PTPRS: variants seen among roughly 807,000 people sequenced by gnomAD.
PTPRS encodes the protein receptor-type tyrosine-protein phosphatase S.
A neutral mutation model predicts 215.3 loss-of-function variants in PTPRS; 63 were observed. That is an observed-to-expected ratio of 0.29 (90% CI 0.24 to 0.36). PTPRS has a LOEUF of 0.36. PTPRS is among the 10% of genes least tolerant of loss of function. PTPRS has a pLI of 1.00. For synonymous variants in PTPRS, 1,404 were observed against 1,191.4 expected, an observed-to-expected ratio of 1.18 and a Z score of -3.68; for missense variants, 2,258 against 2,825.8, an observed-to-expected ratio of 0.80 and a Z score of 4.56.
intron 12 of PTPRS, 122 bp downstream of exon 12, chr19:5,240,077 T>C: frequency 8.7e-7 from 1 of 1,143,438 alleles, no homozygotes; most frequent in African/African-American, 1.6e-5. Flanking sequence ...GCAGAAGGGG[T>C]GAGGAAGAGC....
chr19:5,228,340 G>A (rs1211461127), intron 16 of PTPRS, among the ~76,000 whole-genome samples: 1 of 44,772 alleles, frequency 2.2e-5, no homozygotes. Flanking sequence ...GTGAGACTCC[G>A]TCTGGAGAAA....
At chr19:5,242,542 A>ATTTT (rs756611742) in intron 11 of PTPRS, among the ~76,000 whole-genome samples, 1 of 132,928 alleles carries the variant, frequency 7.5e-6, no homozygotes, top group Non-Finnish European at 1.6e-5. Flanking sequence ...TAATTTTTGT[A>ATTTT]TTTTTTTTTT....
chr19:5,246,039 C>T lies in PTPRS; in HGVS notation c.725G>A (p.Arg242His), dbSNP rs1448131962. 9 of 1,248,124 alleles carry T rather than the reference C, an allele frequency of 7.2e-6. No individual in the cohort carries two copies. Among genetic ancestry groups the T allele is most frequent in the Admixed American group, 5.1e-5 (2 of 39,052 alleles). The allele number at this position is 1,248,124 out of a possible 1,614,324, so 77.3% of individuals were successfully genotyped here. ...CAGGATGGAGAAGCGCGGGGCCACG[C>T]GGCGGACTGGGGAGGGGGCGGCAGT... ...LYVRELREVR[R>H]VAPRFSILPM... is the part of the protein sequence containing the mutation. The change falls in exon 10 of 38, where the codon CGC becomes CAC. Residue 242 changes from arginine to histidine, a missense_variant. Coordinates refer to ENST00000262963, the MANE Select transcript of PTPRS (RefSeq NM_002850.4).
chr19:5,245,387 C>A (rs140216766), intron 10 of PTPRS, among the ~76,000 whole-genome samples: 2,616 of 152,138 alleles, frequency 0.017, 67 homozygotes, highest in African/African-American at 0.059. Flanking sequence ...CTCCTGGGCT[C>A]AAGCAGTCCT....
chr19:5,232,676 GC>G (rs1444764003), intron 13 of PTPRS, among the ~76,000 whole-genome samples: 2 of 145,282 alleles, frequency 1.4e-5, no homozygotes, highest in Non-Finnish European at 3.0e-5. Context: ...GGCAACAGAA[GC>G]CCCATTAGGC....
At chr19:5,316,232 T>C (rs2049872093) in intron 1 of PTPRS, among the ~76,000 whole-genome samples, 1 of 152,046 alleles carries the variant, frequency 6.6e-6, no homozygotes, top group South Asian at 2.1e-4. Context: ...TTAATACTCT[T>C]TTGGACACAG....
intron 13 of PTPRS, among the ~76,000 whole-genome samples, chr19:5,235,672 A>G (rs2043384458): frequency 1.3e-5 from 2 of 152,274 alleles, no homozygotes; most frequent in South Asian, 4.1e-4. Flanking sequence ...CTTGTTATAA[A>G]CTGCTAATAG....
chr19:5,333,930 C>T (rs2050409369), intron 1 of PTPRS, among the ~76,000 whole-genome samples: 2 of 152,198 alleles, frequency 1.3e-5, no homozygotes. Context: ...TTCCTGAGTG[C>T]CCATCAAATG....
rs1007080411 is a variant in PTPRS at position 5,220,074 on chromosome 19, T to G, written c.3630A>C (p.Ala1210=). Residue 1210 remains alanine (A), a synonymous_variant, in exon 22 of 38, where the codon GCA becomes GCC. Coordinates refer to ENST00000262963, the MANE Select transcript of PTPRS (RefSeq NM_002850.4). ...RQLEVPRPYI[A]ARFSVLPPTF... is the part of the protein sequence containing the mutation. ...TGGGTGGCAGCACAGAGAAGCGAGC[T>G]GCAATATAGGGCCGGGGCACCTCCA... 1.9e-6 allele frequency: 3 copies of G among 1,613,810 alleles called. No individual in the cohort carries two copies. The highest frequency in any genetic ancestry group is 1.3e-5 in the African/African-American group (1 of 74,914).
chr19:5,320,076 G>C (rs72985186), intron 1 of PTPRS, among the ~76,000 whole-genome samples: 4,011 of 152,288 alleles, frequency 0.026, 75 homozygotes, highest in East Asian at 0.077. Flanking sequence ...ATCGGAGGCA[G>C]TGGCTGCGGC....
rs1568351408 is a variant in PTPRS, at chr19:5,206,588, TGGGGCGGCC to T, written c.*177_*185del. 2 of 495,402 alleles carry T rather than the reference TGGGGCGGCC, an allele frequency of 4.0e-6. No individual in the cohort carries two copies. Among genetic ancestry groups the T allele is most frequent in the African/African-American group, 4.0e-5 (2 of 49,668 alleles). The allele number at this position is 495,402 out of a possible 1,614,324, so 30.7% of individuals were successfully genotyped here. On this transcript the variant is annotated 3_prime_UTR_variant, in exon 38 of 38. Transcript: ENST00000262963. ...CGGCGGCCGGTGCCAGGGAGGTCGC[TGGGGCGGCC>T]GGGGCCGGTGGGGGGGCTCGAGGGG...
In PTPRS at chr19:5,265,098, C is replaced by T; in HGVS notation, c.478G>A (p.Gly160Ser). 6.2e-7 allele frequency: 1 copy of T among 1,614,202 alleles called. No homozygotes were observed. Among genetic ancestry groups the T allele is most frequent in the Non-Finnish European group, 8.5e-7 (1 of 1,180,042 alleles). The change falls in exon 5 of 38, where the codon GGC becomes AGC. Residue 160 changes from glycine to serine, a missense_variant. Physicochemically the swap from Gly to Ser is moderately conservative, Grantham distance 56. This residue lies in a region of PTPRS where 508 missense variants were observed against 799.4 expected (regional missense o/e 0.64). Coordinates refer to ENST00000262963, the MANE Select transcript of PTPRS (RefSeq NM_002850.4). ...RTATMLCAAS[G>S]NPDPEITWFK... The stretch of plus-strand genomic sequence containing the variant: ...CAGGTGATCTCAGGGTCAGGGTTGC[C>T]GCTGGCTGCACAGAGCATGGTGGCT...
intron 1 of PTPRS, among the ~76,000 whole-genome samples, chr19:5,313,765 T>C (rs1295909951): frequency 6.6e-6 from 1 of 152,024 alleles, no homozygotes; most frequent in Admixed American, 6.6e-5. Context: ...CACCGTTCAA[T>C]CCATGCTTAA....
At chr19:5,303,025 G>A (rs1393411979) in intron 1 of PTPRS, among the ~76,000 whole-genome samples, 1 of 151,982 alleles carries the variant, frequency 6.6e-6, no homozygotes, top group Non-Finnish European at 1.5e-5. Flanking sequence ...AGCCGAGATG[G>A]CACCACTGCA....
chr19:5,297,599 A>T (rs1194800012), intron 1 of PTPRS, among the ~76,000 whole-genome samples: 1 of 152,100 alleles, frequency 6.6e-6, no homozygotes, highest in Non-Finnish European at 1.5e-5. Flanking sequence ...TAAATAAACC[A>T]CACTGCAAGG....
chr19:5,258,216 T>G (rs1408109522), intron 7 of PTPRS, 89 bp from the exon 8 acceptor site: 12 of 1,090,270 alleles, frequency 1.1e-5, no homozygotes, highest in Non-Finnish European at 1.5e-5. Context: ...CTCTCTGGCC[T>G]GTCTCCTGTG....
chr19:5,252,205 G>A (rs1160773828), intron 9 of PTPRS, among the ~76,000 whole-genome samples: 1 of 152,098 alleles, frequency 6.6e-6, no homozygotes, highest in African/African-American at 2.4e-5. Flanking sequence ...TAGCACTCAA[G>A]ACTCTGCGTT....
rs748584918 is a variant in PTPRS, at chr19:5,221,268, T to C, written c.3202-15A>G. On this transcript the variant is annotated splice_polypyrimidine_tract_variant and intron_variant, in intron 19 of 37. Transcript: ENST00000262963. ...TTGTACTGGATCTGCGGACCAGGGC[T>C]AGCTCAGCAGGGCCTGGTGGGCTCA... is the stretch of plus-strand genomic sequence containing the variant. The C allele has an allele frequency of 1.2e-6, 2 of 1,605,122 alleles. No homozygotes were observed. The highest frequency in any genetic ancestry group is 2.7e-5 in the African/African-American group (2 of 74,892).
chr19:5,303,563 C>T (rs1274792017), intron 1 of PTPRS, among the ~76,000 whole-genome samples: 1 of 151,918 alleles, frequency 6.6e-6, no homozygotes, highest in Non-Finnish European at 1.5e-5. Context: ...GGAACGAACA[C>T]ACTAAGTTCT....
Sources: gnomAD v4.1 joint callset for allele counts (sites outside exome capture counted in the v4.1 genomes callset) on GRCh38, gnomAD v4.1.1 for gene constraint, gnomAD v4.1.1 regional missense constraint, MANE v1.5 for transcripts, NCBI Gene and HGNC (gene_info 2026-07-23, HGNC 2026-07-21) for gene names.